The following TCF4 variants were observed in gnomAD, a reference collection of about 807,000 sequenced individuals.
TCF4 encodes transcription factor 4.
A neutral mutation model predicts 82.1 loss-of-function variants in TCF4; 3 were observed. The ratio of observed to expected loss-of-function variants is 0.04; its 90% CI spans 0.02 to 0.09. The LOEUF is 0.09. Among genes scored for constraint, TCF4 ranks in the 10% least tolerant of loss-of-function variants. The probability of loss-of-function intolerance (pLI) is 1.00; values close to 1 mark genes in which losing one functional copy is unlikely to be tolerated. For missense variants in TCF4, 518 were observed against 852.7 expected, an observed-to-expected ratio of 0.61 and a Z score of 4.89; for synonymous variants, 276 against 309.6, an observed-to-expected ratio of 0.89 and a Z score of 1.14.
intron 4 of TCF4, 105 bp from the exon 5 acceptor site, chr18:55,461,220 TC>T: frequency 1.1e-6 from 1 of 875,602 alleles, no homozygotes; most frequent in Non-Finnish European, 1.8e-6. Flanking sequence ...GAAATTGGAG[TC>T]CACTATTCCC....
At chr18:55,399,896 A>T (rs1366901919) in intron 6 of TCF4, among the ~76,000 whole-genome samples, 18 of 143,930 alleles carry the variant, frequency 1.3e-4, no homozygotes, top group Non-Finnish European at 2.0e-4. Context: ...ACACACACAC[A>T]CACACACACA....
At position 55,351,550 on chromosome 18, in the gene TCF4, TCA is replaced by T. The variant is rs2082322747; in HGVS notation, c.370-549_370-548del. ...CTGAACCAAGAGGAAATTCAAATCCTCACACTAACTCTCAAAATTACAGAAAT... is the reference window on the plus strand; with the variant it reads ...CTGAACCAAGAGGAAATTCAAATCCTCACTAACTCTCAAAATTACAGAAAT... On this transcript the variant is annotated intron_variant, in intron 6 of 19. Transcript: ENST00000354452. Among the ~76,000 whole-genome samples the T allele has an allele frequency of 2.0e-5, 3 of 151,948 alleles. No individual in the cohort carries two copies. In the South Asian group the frequency reaches 6.2e-4, roughly 32 times the overall value.
chr18:55,356,933 T>G (rs1181943563), intron 6 of TCF4, among the ~76,000 whole-genome samples: 6 of 152,128 alleles, frequency 3.9e-5, no homozygotes, highest in African/African-American at 1.4e-4. Context: ...TTCAAATACA[T>G]TGTCTTTCCT....
At chr18:55,608,369 A>ATTTTTTTTTT (rs746413576) in intron 2 of TCF4, among the ~76,000 whole-genome samples, 6 of 117,266 alleles carry the variant, frequency 5.1e-5, no homozygotes, top group Admixed American at 9.5e-5. Flanking sequence ...TTGCCACAGT[A>ATTTTTTTTTT]TTTTTTTTTT....
intron 8 of TCF4, among the ~76,000 whole-genome samples, chr18:55,345,223 A>G (rs996419510): frequency 2.0e-5 from 3 of 152,058 alleles, no homozygotes; most frequent in South Asian, 4.2e-4. Context: ...ATTTTTTCAT[A>G]TATCAGCAAT....
chr18:55,456,447 G>C (rs919730392), intron 5 of TCF4, among the ~76,000 whole-genome samples: 21 of 152,166 alleles, frequency 1.4e-4, no homozygotes, highest in African/African-American at 5.1e-4. Flanking sequence ...GCTGAACTAA[G>C]CTGTAGCCAA....
intron 3 of TCF4, among the ~76,000 whole-genome samples, chr18:55,509,188 C>T (rs993196583): frequency 6.6e-5 from 10 of 151,958 alleles, no homozygotes; most frequent in African/African-American, 1.4e-4. Context: ...TTGCGGACTT[C>T]GTAAAGGAGT....
intron 8 of TCF4, among the ~76,000 whole-genome samples, chr18:55,297,297 C>T (rs574417826): frequency 7.8e-5 from 11 of 140,710 alleles, no homozygotes; most frequent in Non-Finnish European, 1.5e-5. Flanking sequence ...TTTAACAGAG[C>T]GCATAGAGTC....
intron 6 of TCF4, among the ~76,000 whole-genome samples, chr18:55,366,148 T>C (rs566519333): frequency 2.5e-4 from 38 of 152,142 alleles, no homozygotes; most frequent in Non-Finnish European, 4.0e-4. Context: ...AAAGTGATTC[T>C]TGATTTATTT....
At chr18:55,321,965 T>A (rs1177145303) in intron 8 of TCF4, 2 of 1,318,968 alleles carry the variant, frequency 1.5e-6, no homozygotes. Context: ...AGCCCGGCCC[T>A]GATGGAGCTC....
At chr18:55,529,294 G>C (rs2146675043) in intron 3 of TCF4, among the ~76,000 whole-genome samples, 1 of 152,238 alleles carries the variant, frequency 6.6e-6, no homozygotes, top group Non-Finnish European at 1.5e-5. Flanking sequence ...AAAATATTTA[G>C]CTTCCTAAAC....
At chr18:55,378,836 C>T (rs186259309) in intron 6 of TCF4, among the ~76,000 whole-genome samples, 9 of 152,306 alleles carry the variant, frequency 5.9e-5, no homozygotes, top group African/African-American at 1.2e-4. Flanking sequence ...CACACTTGGA[C>T]GCACTAGCAA....
intron 8 of TCF4, among the ~76,000 whole-genome samples, chr18:55,349,773 A>C (rs1241164845): frequency 2.0e-5 from 3 of 152,066 alleles, no homozygotes; most frequent in African/African-American, 7.2e-5. Context: ...GATATCAGCA[A>C]CTTCTGCATA....
At chr18:55,457,100 T>C (rs1471836398) in intron 5 of TCF4, among the ~76,000 whole-genome samples, 1 of 152,214 alleles carries the variant, frequency 6.6e-6, no homozygotes, top group African/African-American at 2.4e-5. Context: ...AATTGGTCAA[T>C]GTAGGCAGTC....
intron 3 of TCF4, among the ~76,000 whole-genome samples, chr18:55,475,670 AT>A (rs1267199583): frequency 1.3e-5 from 2 of 152,212 alleles, no homozygotes; most frequent in Non-Finnish European, 2.9e-5. Context: ...ACAGCTTCCT[AT>A]TTCCTTACAT....
intron 8 of TCF4, among the ~76,000 whole-genome samples, chr18:55,291,443 G>A (rs2065077457): frequency 6.6e-6 from 1 of 152,106 alleles, no homozygotes; most frequent in Non-Finnish European, 1.5e-5. Context: ...ATCTGGTAAA[G>A]TTTTGAACAG....
At chr18:55,449,800 C>A (rs774934987) in intron 5 of TCF4, among the ~76,000 whole-genome samples, 10 of 152,124 alleles carry the variant, frequency 6.6e-5, no homozygotes, top group Non-Finnish European at 1.2e-4. Flanking sequence ...CCTTCTCCAC[C>A]AAATGTTATC....
chr18:55,317,692 C>A (rs1279598505), intron 8 of TCF4, among the ~76,000 whole-genome samples: 1 of 152,076 alleles, frequency 6.6e-6, no homozygotes, highest in Non-Finnish European at 1.5e-5. Flanking sequence ...AGGTTGCTGA[C>A]TGATATTGTC....
chr18:55,530,839 GACATTCTATGAAACT>G (rs2097054794), intron 3 of TCF4, among the ~76,000 whole-genome samples: 1 of 152,134 alleles, frequency 6.6e-6, no homozygotes, highest in Non-Finnish European at 1.5e-5. Context: ...TCTTGAAACA[GACATTCTATGAAACT>G]ACCACTAGAC....
Sources: allele counts gnomAD v4.1 joint callset (sites outside exome capture counted in the v4.1 genomes callset), GRCh38; gene constraint gnomAD v4.1.1; transcripts MANE v1.5; gene names NCBI Gene and HGNC (gene_info 2026-07-23, HGNC 2026-07-21).